Variants in LRRC72 observed in about 807,000 individuals in gnomAD.
LRRC72 encodes the protein leucine rich repeat containing 72.
A neutral mutation model predicts 35.8 loss-of-function variants in LRRC72; 41 were observed. That is an observed-to-expected ratio of 1.15 (90% CI 0.89 to 1.49). The LOEUF is 1.49. LRRC72 is among the 40% of genes most tolerant of loss of function. LRRC72 has a pLI of 0.00. For synonymous variants in LRRC72, 118 were observed against 119.2 expected, an observed-to-expected ratio of 0.99 and a Z score of 0.07; for missense variants, 389 against 330.7, an observed-to-expected ratio of 1.18 and a Z score of -1.37.
At chr7:16,532,408 T>C in intron 1 of LRRC72, 87 bp from the exon 2 acceptor site, 1 of 868,480 alleles carries the variant, frequency 1.2e-6, no homozygotes. Flanking sequence ...TTTGATCTTC[T>C]TGTAGACGTT....
intron 5 of LRRC72, among the ~76,000 whole-genome samples, chr7:16,561,197 C>T (rs1415147093): frequency 6.6e-6 from 1 of 152,112 alleles, no homozygotes; most frequent in Non-Finnish European, 1.5e-5. Context: ...CCAGTCTATA[C>T]CTATATAGGG....
At chr7:16,574,880 C>A (rs1216587931) in intron 7 of LRRC72, among the ~76,000 whole-genome samples, 6 of 152,074 alleles carry the variant, frequency 3.9e-5, no homozygotes, top group South Asian at 4.2e-4. Flanking sequence ...CTTTGGGAGT[C>A]CAAGGCAGGC....
At chr7:16,581,038 G>A (rs937346721) in intron 8 of LRRC72, among the ~76,000 whole-genome samples, 2 of 152,020 alleles carry the variant, frequency 1.3e-5, no homozygotes, top group Admixed American at 1.3e-4. Flanking sequence ...CATTTAACTG[G>A]TTTTAAAACA....
intron 2 of LRRC72, among the ~76,000 whole-genome samples, chr7:16,533,779 T>C (rs1782207224): frequency 6.6e-6 from 1 of 152,174 alleles, no homozygotes. Flanking sequence ...TTTAAAAATA[T>C]ATTTTTTAGT....
intron 5 of LRRC72, among the ~76,000 whole-genome samples, chr7:16,565,531 C>A (rs61339431): frequency 0.058 from 8,874 of 151,850 alleles, 870 homozygotes; most frequent in African/African-American, 0.2. Flanking sequence ...GGGAAAATAT[C>A]TTTTTTTAAA....
chr7:16,553,427 G>A lies in LRRC72; in HGVS notation c.235-3933G>A, dbSNP rs531110127. 6.6e-5 allele frequency among the ~76,000 whole-genome samples: 10 copies of A among 152,268 alleles called. No individual in the cohort carries two copies. The South Asian group carries it at 1.0e-3, about 16-fold the overall frequency. Reference sequence around the variant, plus strand: ...TTCTCCTAGGTAAACTGGGGATATGGGGGTCAAATAAATAACATTGGGCTT... The same window carrying A: ...TTCTCCTAGGTAAACTGGGGATATGAGGGTCAAATAAATAACATTGGGCTT... On this transcript the variant is annotated intron_variant, in intron 3 of 8. Transcript: ENST00000401542.
chr7:16,550,060 A>T (rs1782522160), intron 3 of LRRC72, among the ~76,000 whole-genome samples: 1 of 151,898 alleles, frequency 6.6e-6, no homozygotes, highest in South Asian at 2.1e-4. Context: ...CTCTATGAAA[A>T]TTTTTTAAAT....
chr7:16,574,647 G>C (rs975813081), intron 7 of LRRC72, among the ~76,000 whole-genome samples: 2 of 151,874 alleles, frequency 1.3e-5, no homozygotes, highest in Non-Finnish European at 2.9e-5. Context: ...GGGGCCTGTC[G>C]GGGGCTGGAG....
chr7:16,526,988 G>A lies in LRRC72; in HGVS notation c.36G>A (p.Leu12=). 1.3e-6 allele frequency: 2 copies of A among 1,540,016 alleles called. No individual in the cohort carries two copies. Among genetic ancestry groups the A allele is most frequent in the South Asian group, 1.2e-5 (1 of 84,054 alleles). The change falls in exon 1 of 9, where the codon TTG becomes TTA. Residue 12 remains leucine, a synonymous_variant. Transcript: ENST00000401542. The stretch of plus-strand genomic sequence containing the variant: ...ACCCGAACCCCGTGCCCCGTACCTT[G>A]CGATGCTGGCGCCTACGGAGGGCAT... ...SWDPNPVPRT[L]RCWRLRRASE...
chr7:16,568,475 G>C (rs1227604305), intron 7 of LRRC72, among the ~76,000 whole-genome samples: 1 of 152,106 alleles, frequency 6.6e-6, no homozygotes, highest in Non-Finnish European at 1.5e-5. Flanking sequence ...ATATGAATTA[G>C]ATATTGAGAA....
intron 7 of LRRC72, among the ~76,000 whole-genome samples, chr7:16,573,699 C>T (rs955805624): frequency 2.0e-5 from 3 of 152,024 alleles, no homozygotes; most frequent in African/African-American, 4.8e-5. Flanking sequence ...ACCATAAAAC[C>T]CTAAAAGAAA....
At chr7:16,566,811 T>C (rs1782852067) in intron 6 of LRRC72, among the ~76,000 whole-genome samples, 2 of 152,144 alleles carry the variant, frequency 1.3e-5, no homozygotes, top group Admixed American at 6.5e-5. Flanking sequence ...TAAATATATA[T>C]ATATTGAAAC....
chr7:16,555,961 T>C (rs1782642698), intron 3 of LRRC72, among the ~76,000 whole-genome samples: 1 of 152,196 alleles, frequency 6.6e-6, no homozygotes. Flanking sequence ...ACATTTAACT[T>C]ATTTGCAGTT....
At chr7:16,540,163 C>A (rs965343565) in intron 3 of LRRC72, among the ~76,000 whole-genome samples, 2 of 152,226 alleles carry the variant, frequency 1.3e-5, no homozygotes, top group Non-Finnish European at 2.9e-5. Context: ...AGGGGCAGAG[C>A]TGCCCAAGGC....
intron 3 of LRRC72, among the ~76,000 whole-genome samples, chr7:16,545,230 G>A (rs1341238421): frequency 3.9e-5 from 6 of 152,260 alleles, no homozygotes; most frequent in African/African-American, 7.2e-5. Flanking sequence ...CTCAATCTTC[G>A]ATACTGTTAT....
chr7:16,567,440 A>G lies in LRRC72; in HGVS notation c.567A>G (p.Lys189=). The change falls in exon 7 of 9, where the codon AAA becomes AAG. Residue 189 remains lysine, a synonymous_variant. Transcript: ENST00000401542. The stretch of plus-strand genomic sequence containing the variant: ...CAATGATTACCATTTTTAACCATAA[A>G]AAGGCTCATATCGTTCAATCAATAG... The part of the protein sequence containing the change: ...RRSMITIFNH[K]KAHIVQSIAF... 2.0e-6 allele frequency: 3 copies of G among 1,519,884 alleles called. No homozygotes were observed. The highest frequency in any genetic ancestry group is 2.5e-5 in the East Asian group (1 of 40,470). The allele number at this position is 1,519,884 out of a possible 1,614,324, so 94.1% of individuals were successfully genotyped here.
chr7:16,579,925 A>G (rs1446437496), intron 7 of LRRC72, 149 bp from the exon 8 acceptor site: 1 of 190,716 alleles, frequency 5.2e-6, no homozygotes, highest in Non-Finnish European at 1.2e-5. Context: ...ATAAAAAGGC[A>G]TTTTTGACAG....
At chr7:16,535,489 A>C (rs1396599523) in intron 2 of LRRC72, among the ~76,000 whole-genome samples, 2 of 152,228 alleles carry the variant, frequency 1.3e-5, no homozygotes, top group African/African-American at 4.8e-5. Flanking sequence ...ATTTTTTATA[A>C]TCCCAAATCT....
intron 3 of LRRC72, among the ~76,000 whole-genome samples, chr7:16,555,940 G>C (rs1782642494): frequency 6.6e-6 from 1 of 151,830 alleles, no homozygotes; most frequent in African/African-American, 2.4e-5. Context: ...AATAGTAAAG[G>C]TATTATTCTT....
Sources: gnomAD v4.1 joint callset for allele counts (sites outside exome capture counted in the v4.1 genomes callset) on GRCh38, gnomAD v4.1.1 for gene constraint, MANE v1.5 for transcripts, NCBI Gene and HGNC (gene_info 2026-07-23, HGNC 2026-07-21) for gene names.